NR2E1: variants seen among roughly 807,000 people sequenced by gnomAD.
NR2E1 encodes the protein nuclear receptor subfamily 2 group E member 1.
In NR2E1, 5 loss-of-function variants were observed where a neutral mutation model predicts 43.6. That is an observed-to-expected ratio of 0.11 (90% CI 0.06 to 0.24). NR2E1 has a LOEUF of 0.24. Among genes scored for constraint, NR2E1 ranks in the 10% least tolerant of loss-of-function variants. The probability of loss-of-function intolerance (pLI) is 1.00; values close to 1 mark genes in which losing one functional copy is unlikely to be tolerated. For synonymous variants in NR2E1, 191 were observed against 195.5 expected (o/e 0.98, Z 0.19); for missense variants, 287 against 496.7 (o/e 0.58, Z 4.01).
At chr6:108,167,736 C>T (rs1773734727) in intron 1 of NR2E1, among the ~76,000 whole-genome samples, 1 of 152,010 alleles carries the variant, frequency 6.6e-6, no homozygotes, top group Admixed American at 6.6e-5. Flanking sequence ...CCCCATATCC[C>T]GAAGTTGCCT....
At chr6:108,172,949 C>T (rs562888274) in intron 2 of NR2E1, among the ~76,000 whole-genome samples, 2 of 152,320 alleles carry the variant, frequency 1.3e-5, no homozygotes, top group South Asian at 2.1e-4. Flanking sequence ...GCGATTACTG[C>T]GGGTTGTCAG....
At chr6:108,178,038 T>G in intron 4 of NR2E1, 57 bp from the exon 5 acceptor site, 1 of 1,595,148 alleles carries the variant, frequency 6.3e-7, no homozygotes, top group Non-Finnish European at 8.6e-7. Flanking sequence ...AGTTTGGTTC[T>G]TCTTGCAAAG....
intron 1 of NR2E1, chr6:108,168,996 GGCGAGGGAAGTTAAGAACGGTTTTCCA>G (rs1773760430): frequency 6.6e-6 from 1 of 152,268 alleles, no homozygotes; most frequent in African/African-American, 2.4e-5. Flanking sequence ...GGGACCCCCT[GGCGAGGGAAGTTAAGAACGGTTTTCCA>G]GCTTCAGGAA....
chr6:108,168,144 C>T (rs908745747), intron 1 of NR2E1: 18 of 1,597,288 alleles, frequency 1.1e-5, no homozygotes, highest in South Asian at 3.4e-5. Context: ...CTGGCCCTCG[C>T]TGTTGGAATC....
chr6:108,174,860 C>T lies in NR2E1; in HGVS notation c.196C>T (p.His66Tyr), dbSNP rs1456136756. Residue 66 changes from histidine to tyrosine, a missense_variant, in exon 3 of 9, where the codon CAC becomes TAC. By Grantham distance (83) the His-to-Tyr change is moderately conservative. Around this residue, in one of 4 missense-constraint regions of NR2E1, gnomAD observed 46 missense variants for 132.3 expected, o/e 0.35. Transcript: ENST00000368986. ...GGGAGGCTGTCCGGTGGACAAGACGCACAGAAACCAGTGCAGGGCGTGTCG... is the reference window on the plus strand; with the variant it reads ...GGGAGGCTGTCCGGTGGACAAGACGTACAGAAACCAGTGCAGGGCGTGTCG... Reference protein sequence around the residue: ...NQGGCPVDKTHRNQCRACRLK... With the variant: ...NQGGCPVDKTYRNQCRACRLK... 1 of 1,614,112 alleles carries T rather than the reference C, an allele frequency of 6.2e-7. No homozygotes were observed. Among genetic ancestry groups the T allele is most frequent in the East Asian group, 2.2e-5 (1 of 44,854 alleles).
rs1773902128 is a variant in NR2E1, at chr6:108,176,604, C to T, written c.361C>T (p.Pro121Ser). ...KEENGAAAHF[P>S]SAALPAPAFF... ...GGAGAACGGGGCCGCCGCGCACTTT[C>T]CCTCGGCGGCGCTCCCTGCGCCGGC... The change falls in exon 4 of 9, where the codon CCC (proline) becomes TCC (serine). Residue 121 changes from proline (P) to serine (S), a missense_variant. Physicochemically the swap from Pro to Ser is moderately conservative, Grantham distance 74 (BLOSUM62 -1). Coordinates refer to ENST00000368986, the MANE Select transcript of NR2E1 (RefSeq NM_003269.5). The T allele has an allele frequency of 6.2e-7, 1 of 1,612,348 alleles. No homozygotes were observed. Among genetic ancestry groups the T allele is most frequent in the African/African-American group, 1.3e-5 (1 of 74,938 alleles).
rs942314365 is a variant in NR2E1, at chr6:108,176,764, A to G, written c.495+26A>G. 2.0e-6 allele frequency: 3 copies of G among 1,536,720 alleles called. No individual in the cohort carries two copies. In the African/African-American group the frequency reaches 4.1e-5, roughly 21 times the overall value. On this transcript the variant is annotated intron_variant, in intron 4 of 8. Transcript: ENST00000368986. ...GTCAGCGGCCTTGCTGGGCCCAAAG[A>G]GACTCGTGCCAGCGAATGGAGAGGG... is the stretch of plus-strand genomic sequence containing the variant.
Position 108,166,934 on chromosome 6 carries a change from C to G in NR2E1, c.25+144C>G, listed in dbSNP as rs765161127. On this transcript the variant is annotated intron_variant, in intron 1 of 8. Coordinates refer to ENST00000368986, the MANE Select transcript of NR2E1 (RefSeq NM_003269.5). The surrounding 1 kb of genome is among the most constrained non-coding windows in gnomAD (Gnocchi z 7.2). ...GCGGGCGTGTGCGTTCGGCCCAGACCTGTAGACCGTGAGTTGGAGCATTTC... is the reference window on the plus strand; with the variant it reads ...GCGGGCGTGTGCGTTCGGCCCAGACGTGTAGACCGTGAGTTGGAGCATTTC... 5.3e-5 allele frequency: 47 copies of G among 879,204 alleles called. No individual in the cohort carries two copies. Among genetic ancestry groups the G allele is most frequent in the Non-Finnish European group, 7.7e-5 (43 of 556,740 alleles). The allele number at this position is 879,204 out of a possible 1,614,324, so 54.5% of individuals were successfully genotyped here.
chr6:108,182,241 CAAAA>C (rs766203121), intron 8 of NR2E1, among the ~76,000 whole-genome samples: 4 of 74,314 alleles, frequency 5.4e-5, no homozygotes, highest in Non-Finnish European at 1.2e-4. Flanking sequence ...GACTCCGTCT[CAAAA>C]AAAAAAAAAA....
chr6:108,184,695 T>C (rs1034588861), intron 8 of NR2E1, among the ~76,000 whole-genome samples: 1 of 152,138 alleles, frequency 6.6e-6, no homozygotes, highest in African/African-American at 2.4e-5. Context: ...GGGAGCCTGG[T>C]GTGCCAGGAG....
At chr6:108,168,058 A>T in intron 1 of NR2E1, 1 of 1,602,460 alleles carries the variant, frequency 6.2e-7, no homozygotes, top group Non-Finnish European at 8.5e-7. Flanking sequence ...GGAGCAGAGA[A>T]GGAGCCCTCA....
chr6:108,170,307 A>G (rs967423580), intron 1 of NR2E1, among the ~76,000 whole-genome samples: 1 of 152,198 alleles, frequency 6.6e-6, no homozygotes, highest in African/African-American at 2.4e-5. Context: ...GTTATCAACT[A>G]TTGTTATTTT....
chr6:108,185,726 T>G (rs1487739502), intron 8 of NR2E1, among the ~76,000 whole-genome samples: 2 of 152,228 alleles, frequency 1.3e-5, no homozygotes, highest in East Asian at 3.8e-4. Flanking sequence ...TAGTACAGTA[T>G]GCTATATGTA....
In NR2E1 at chr6:108,180,883, G is replaced by A; in HGVS notation, c.816G>A (p.Val272=). Residue 272 remains valine, a synonymous_variant, in exon 7 of 9, where the codon GTG becomes GTA. Transcript: ENST00000368986. This position sits in a 1 kb window ranked among gnomAD's most constrained non-coding sequence, Gnocchi z 5.4. ...ISEIQALQEV[V]ARFRQLRLDA... The stretch of plus-strand genomic sequence containing the variant: ...AAATACAGGCTTTACAAGAGGTGGT[G>A]GCTCGATTTAGACAACTCCGGTTAG... 1 of 1,614,086 alleles carries A rather than the reference G, an allele frequency of 6.2e-7. No homozygotes were observed. Among genetic ancestry groups the A allele is most frequent in the Non-Finnish European group, 8.5e-7 (1 of 1,179,954 alleles).
At position 108,166,468 on chromosome 6, in the gene NR2E1, C is replaced by T. The variant is rs1031608500; in HGVS notation, c.-298C>T. On this transcript the variant is annotated 5_prime_UTR_variant, in exon 1 of 9. Transcript: ENST00000368986. The surrounding 1 kb of genome is among the most constrained non-coding windows in gnomAD (Gnocchi z 7.2). ...TTGCTGTTCTTCCTTCTTCCTCAGTCTTCCTGTCCATCTCTCCATCTGTCT... is the reference window on the plus strand; with the variant it reads ...TTGCTGTTCTTCCTTCTTCCTCAGTTTTCCTGTCCATCTCTCCATCTGTCT... 1 of 394,260 alleles carries T rather than the reference C, an allele frequency of 2.5e-6. No homozygotes were observed. The highest frequency in any genetic ancestry group is 2.1e-5 in the African/African-American group (1 of 46,902). 24.4% of individuals were successfully genotyped at this position (394,260 alleles called of 1,614,324 possible).
At chr6:108,168,386 CT>C (rs1773748940) in intron 1 of NR2E1, among the ~76,000 whole-genome samples, 1 of 152,208 alleles carries the variant, frequency 6.6e-6, no homozygotes, top group African/African-American at 2.4e-5. Flanking sequence ...TGTGGAGCCC[CT>C]GGGGCCCTTG....
Position 108,173,051 on chromosome 6 carries a change from T to C in NR2E1, c.171+1448T>C, listed in dbSNP as rs1428169032. On this transcript the variant is annotated intron_variant, in intron 2 of 8. Transcript: ENST00000368986. ...ATCTCTGATGTTGTGCTTGATCTTT[T>C]AGAAGGGGATGGCTATCAATTCAAG... is the stretch of plus-strand genomic sequence containing the variant. Among the ~76,000 whole-genome samples, 3 of 152,352 alleles carry C rather than the reference T, an allele frequency of 2.0e-5. No individual in the cohort carries two copies. In the South Asian group the frequency reaches 6.2e-4, roughly 32 times the overall value.
rs993974935 is a variant in NR2E1, at chr6:108,176,495, C to T, written c.260-8C>T. On this transcript the variant is annotated splice_polypyrimidine_tract_variant and splice_region_variant and intron_variant, in intron 3 of 8. Transcript: ENST00000368986. Reference sequence around the variant, plus strand: ...CGCCGGCATGCGTTTCTCTGTTTGCCTCTGCAGCCGTGCAGCACGAGCGGG... The same window carrying T: ...CGCCGGCATGCGTTTCTCTGTTTGCTTCTGCAGCCGTGCAGCACGAGCGGG... The T allele has an allele frequency of 6.2e-7, 1 of 1,612,568 alleles. No homozygotes were observed. The highest frequency in any genetic ancestry group is 8.5e-7 in the Non-Finnish European group (1 of 1,179,694).
chr6:108,171,543 A>G lies in NR2E1; in HGVS notation c.111A>G (p.Ser37=), dbSNP rs748678397. The change falls in exon 2 of 9, where the codon TCA becomes TCG. Residue 37 remains serine (S), a synonymous_variant. Transcript: ENST00000368986. ...GGGTCTACGCCTGCGACGGCTGCTC[A>G]GGTTTTTTCAAACGGAGCATCCGAA... ...HYGVYACDGC[S]GFFKRSIRRN... 40 of 1,613,924 alleles carry G rather than the reference A, an allele frequency of 2.5e-5. No individual in the cohort carries two copies. Among genetic ancestry groups the G allele is most frequent in the Non-Finnish European group, 3.3e-5 (39 of 1,180,032 alleles).
Sources: gnomAD v4.1 joint callset for allele counts (sites outside exome capture counted in the v4.1 genomes callset) on GRCh38, gnomAD v4.1.1 for gene constraint, gnomAD v4.1.1 regional missense constraint, Gnocchi (gnomAD v3.1) non-coding constraint, MANE v1.5 for transcripts, NCBI Gene and HGNC (gene_info 2026-07-23, HGNC 2026-07-21) for gene names.